The following RBMS3 variants were observed in gnomAD, a reference collection of about 807,000 sequenced individuals.
The protein encoded by RBMS3 is RNA-binding motif, single-stranded-interacting protein 3.
Under a neutral mutation model 66.8 loss-of-function variants are expected in RBMS3, and 27 were observed. That is an observed-to-expected ratio of 0.40 (90% CI 0.30 to 0.56). The LOEUF (loss-of-function observed/expected upper bound fraction) is 0.56. Among genes scored for constraint, RBMS3 ranks in the 20% least tolerant of loss-of-function variants. RBMS3 has a pLI of 0.40. For missense variants in RBMS3, 513 were observed against 549.5 expected, an observed-to-expected ratio of 0.93 and a Z score of 0.66; for synonymous variants, 188 against 183.0, an observed-to-expected ratio of 1.03 and a Z score of -0.22.
chr3:29,921,134 C>T (rs2149655007), intron 10 of RBMS3, among the ~76,000 whole-genome samples: 1 of 152,226 alleles, frequency 6.6e-6, no homozygotes, highest in Admixed American at 6.5e-5. Flanking sequence ...GTGATCTCAG[C>T]TCACTGTAAC....
Position 29,962,569 on chromosome 3 carries a change from A to ATATATATATATATATATATATATATATAT in RBMS3, c.1098+18317_1098+18318insTATATATATATATATATATATATATATTA, listed in dbSNP as rs1559842213. On this transcript the variant is annotated intron_variant, in intron 12 of 14. Coordinates refer to ENST00000383767, the MANE Select transcript of RBMS3 (RefSeq NM_001003793.3). ...CAAGACTCATATATATATATATATA[A>ATATATATATATATATATATATATATATAT]TACCATACCAACAAGCCCTGCATCC... is the stretch of plus-strand genomic sequence containing the variant. 5.5e-5 allele frequency among the ~76,000 whole-genome samples: 7 copies of ATATATATATATATATATATATATATATAT among 128,034 alleles called. No individual in the cohort carries two copies. The Admixed American group carries it at 5.9e-4, about 11-fold the overall frequency. 84.0% of individuals were successfully genotyped at this position (128,034 alleles called of 152,430 possible). A position where few individuals can be genotyped will look rare whatever the true frequency, so the allele number is the denominator to read the frequency against.
chr3:29,336,987 C>T (rs536148907), intron 1 of RBMS3, among the ~76,000 whole-genome samples: 94 of 152,152 alleles, frequency 6.2e-4, no homozygotes, highest in African/African-American at 2.0e-3. Flanking sequence ...AAATCTGAAA[C>T]GGTTTTTTAA....
chr3:29,942,164 C>A (rs559047502), intron 11 of RBMS3, among the ~76,000 whole-genome samples: 4 of 151,764 alleles, frequency 2.6e-5, no homozygotes, highest in South Asian at 2.1e-4. Flanking sequence ...GAATGTAATG[C>A]AGCATGAAAT....
intron 1 of RBMS3, among the ~76,000 whole-genome samples, chr3:29,418,935 G>A (rs910378658): frequency 4.6e-5 from 7 of 152,066 alleles, no homozygotes; most frequent in Non-Finnish European, 8.8e-5. Context: ...TATTGTCTTC[G>A]AGAACTCCAG....
Position 29,765,739 on chromosome 3 carries a change from C to G in RBMS3, c.637+2750C>G, listed in dbSNP as rs529530773. The G allele has an allele frequency of 1.8e-4, 28 of 151,886 alleles. 1 individual carries two copies. Among genetic ancestry groups the G allele is most frequent in the Non-Finnish European group, 8.8e-5 (6 of 67,966 alleles). The allele number at this position is 151,886 out of a possible 1,614,324, so 9.4% of individuals were successfully genotyped here. ...ATCATCTTCTTCTCATACTAGGGCCCTATTGTATTAGTTTGTTTTCATGCT... is the reference window on the plus strand; with the variant it reads ...ATCATCTTCTTCTCATACTAGGGCCGTATTGTATTAGTTTGTTTTCATGCT... On this transcript the variant is annotated intron_variant, in intron 6 of 14. Transcript: ENST00000383767.
intron 6 of RBMS3, among the ~76,000 whole-genome samples, chr3:29,832,189 G>A (rs569325699): frequency 6.6e-6 from 1 of 152,288 alleles, no homozygotes; most frequent in East Asian, 1.9e-4. Context: ...AATGCAATCA[G>A]TACATTTATA....
At chr3:29,454,071 G>C (rs2042099656) in intron 2 of RBMS3, among the ~76,000 whole-genome samples, 1 of 152,154 alleles carries the variant, frequency 6.6e-6, no homozygotes. Flanking sequence ...TCTTCCCTAG[G>C]CATTTCAACT....
intron 1 of RBMS3, among the ~76,000 whole-genome samples, chr3:29,409,963 C>T (rs2040193838): frequency 6.6e-6 from 1 of 151,910 alleles, no homozygotes; most frequent in African/African-American, 2.4e-5. Context: ...ATTTGATGAG[C>T]CCTGGGAATG....
chr3:29,675,052 A>T (rs1266418124), intron 4 of RBMS3, among the ~76,000 whole-genome samples: 1 of 152,192 alleles, frequency 6.6e-6, no homozygotes, highest in Non-Finnish European at 1.5e-5. Flanking sequence ...GTACCAAAAC[A>T]GCATGGTTCT....
chr3:29,809,434 G>T (rs764397780), intron 6 of RBMS3, among the ~76,000 whole-genome samples: 1 of 151,720 alleles, frequency 6.6e-6, no homozygotes, highest in Non-Finnish European at 1.5e-5. Context: ...AACCAGATTA[G>T]CATTTGCGCA....
At chr3:29,417,722 A>G (rs1410100596) in intron 1 of RBMS3, among the ~76,000 whole-genome samples, 1 of 152,208 alleles carries the variant, frequency 6.6e-6, no homozygotes, top group Non-Finnish European at 1.5e-5. Flanking sequence ...GAATATCTGA[A>G]CATGGAATAT....
chr3:29,625,213 T>G (rs1034717939), intron 4 of RBMS3, among the ~76,000 whole-genome samples: 3 of 152,196 alleles, frequency 2.0e-5, no homozygotes, highest in African/African-American at 7.2e-5. Flanking sequence ...TCTATAGTAG[T>G]GTGAAAATGG....
chr3:29,689,557 C>T (rs952233056), intron 4 of RBMS3, among the ~76,000 whole-genome samples: 2 of 151,776 alleles, frequency 1.3e-5, no homozygotes, highest in African/African-American at 4.8e-5. Context: ...GAAAGTTTAC[C>T]AGGGAAGCAG....
intron 4 of RBMS3, among the ~76,000 whole-genome samples, chr3:29,608,588 A>G (rs904574270): frequency 3.9e-5 from 6 of 152,036 alleles, no homozygotes; most frequent in African/African-American, 1.4e-4. Flanking sequence ...AATTTACATG[A>G]ATTACTCATC....
rs376783997 is a variant in RBMS3, at chr3:29,452,426, C to A, written c.248+17511C>A. On this transcript the variant is annotated intron_variant, in intron 2 of 14. Transcript: ENST00000383767. The stretch of plus-strand genomic sequence containing the variant: ...ATTCTCATATATTTTACTCTGTGAT[C>A]TAGAATCAACAAATTTCTGCAAAAT... Among the ~76,000 whole-genome samples, 19 of 152,198 alleles carry A rather than the reference C, an allele frequency of 1.2e-4. No individual in the cohort carries two copies. In the East Asian group the frequency reaches 2.9e-3, roughly 23 times the overall value.
intron 12 of RBMS3, among the ~76,000 whole-genome samples, chr3:29,975,816 TC>T (rs1697543830): frequency 6.6e-6 from 1 of 151,976 alleles, no homozygotes; most frequent in Non-Finnish European, 1.5e-5. Context: ...TCTTCCACAT[TC>T]TAAGTCCTTT....
chr3:30,002,130 T>C (rs1276507559), intron 14 of RBMS3, among the ~76,000 whole-genome samples: 2 of 152,048 alleles, frequency 1.3e-5, no homozygotes, highest in African/African-American at 4.8e-5. Context: ...GAGAGGGCTA[T>C]TGGAAACATT....
chr3:29,497,396 C>T (rs1389420627), intron 3 of RBMS3, among the ~76,000 whole-genome samples: 1 of 152,082 alleles, frequency 6.6e-6, no homozygotes, highest in Non-Finnish European at 1.5e-5. Context: ...ACCCGTAAAC[C>T]GAATGTTACT....
intron 7 of RBMS3, among the ~76,000 whole-genome samples, chr3:29,878,184 C>A (rs183123755): frequency 2.0e-5 from 3 of 152,000 alleles, no homozygotes; most frequent in Admixed American, 2.0e-4. Flanking sequence ...TGACAGGAAG[C>A]GGATCTCAGG....
Sources: allele counts gnomAD v4.1 joint callset (sites outside exome capture counted in the v4.1 genomes callset), GRCh38; gene constraint gnomAD v4.1.1; transcripts MANE v1.5; gene names NCBI Gene and HGNC (gene_info 2026-07-23, HGNC 2026-07-21).